LEPR: variants seen among roughly 807,000 people sequenced by gnomAD.
The protein encoded by LEPR is leptin receptor.
Under a neutral mutation model 114.7 loss-of-function variants are expected in LEPR, and 56 were observed. That is an observed-to-expected ratio of 0.49 (90% confidence interval 0.39 to 0.61). LEPR has a LOEUF of 0.61. Among genes scored for constraint, LEPR ranks in the 20% least tolerant of loss-of-function variants. The pLI is 0.00. For missense variants in LEPR, 1,202 were observed against 1,352.9 expected (o/e 0.89, Z 1.75); for synonymous variants, 443 against 461.4 (o/e 0.96, Z 0.51).
At chr1:65,461,673 A>G (rs1646947671) in intron 2 of LEPR, among the ~76,000 whole-genome samples, 1 of 152,258 alleles carries the variant, frequency 6.6e-6, no homozygotes, top group Non-Finnish European at 1.5e-5. Context: ...AAGGAGGTAG[A>G]GCATAATTCC....
intron 2 of LEPR, among the ~76,000 whole-genome samples, chr1:65,456,305 C>A (rs182893630): frequency 3.9e-5 from 6 of 151,918 alleles, no homozygotes; most frequent in Admixed American, 2.6e-4. Context: ...CTTGGCTCCT[C>A]CCCCCATAGA....
chr1:65,580,642 C>T (rs940226956), intron 5 of LEPR, among the ~76,000 whole-genome samples: 5 of 152,098 alleles, frequency 3.3e-5, no homozygotes, highest in Non-Finnish European at 7.4e-5. Flanking sequence ...GTTCCAGGCA[C>T]GGAGCTGAGC....
At chr1:65,603,919 A>C (rs377124358) in intron 10 of LEPR, among the ~76,000 whole-genome samples, 147 of 152,190 alleles carry the variant, frequency 9.7e-4, no homozygotes, top group African/African-American at 3.5e-3. Context: ...ATTCACATAC[A>C]TATCTGAAAT....
intron 2 of LEPR, among the ~76,000 whole-genome samples, chr1:65,458,945 T>C (rs1376707633): frequency 6.6e-6 from 1 of 152,226 alleles, no homozygotes; most frequent in Non-Finnish European, 1.5e-5. Flanking sequence ...CAACAATTCT[T>C]ATCTCAGCCA....
intron 8 of LEPR, among the ~76,000 whole-genome samples, chr1:65,600,801 C>G (rs1656394577): frequency 6.6e-6 from 1 of 151,982 alleles, no homozygotes; most frequent in Non-Finnish European, 1.5e-5. Flanking sequence ...TTAAATAACT[C>G]AAAATGATAG....
intron 15 of LEPR, among the ~76,000 whole-genome samples, 176 bp downstream of exon 15, chr1:65,616,400 C>T (rs963374286): frequency 1.3e-5 from 2 of 152,120 alleles, no homozygotes; most frequent in African/African-American, 2.4e-5. Flanking sequence ...ACAATGATCA[C>T]ATAATACAGT....
At chr1:65,570,447 TA>T (rs1654074337) in intron 3 of LEPR, 25 bp from the exon 4 acceptor site, 1 of 1,605,288 alleles carries the variant, frequency 6.2e-7, no homozygotes, top group East Asian at 2.2e-5. Flanking sequence ...TACTTTTTTC[TA>T]TGTGTCTTTT....
At chr1:65,433,188 C>G in intron 2 of LEPR, 1 of 985,450 alleles carries the variant, frequency 1.0e-6, no homozygotes, top group African/African-American at 1.7e-5. Flanking sequence ...TACTCCTCAA[C>G]AGTTCTGGTT....
At position 65,570,802 on chromosome 1, in the gene LEPR, G is replaced by A; in HGVS notation, c.370G>A (p.Asp124Asn). The A allele has an allele frequency of 6.5e-7, 1 of 1,549,394 alleles. No individual in the cohort carries two copies. ...TVNSLVFQQI[D>N]ANWNIQCWLK... The stretch of plus-strand genomic sequence containing the variant: ...AAATTCTTTAGTTTTTCAACAAATA[G>A]GTAAGCATTAGCTATGTTTTAAATG... The change falls in exon 4 of 20, where the codon GAT becomes AAT. Residue 124 changes from aspartate (D) to asparagine (N), a missense_variant and splice_region_variant. Asp to Asn is a conservative substitution (Grantham distance 23). Transcript: ENST00000349533.
intron 3 of LEPR, among the ~76,000 whole-genome samples, chr1:65,566,492 G>A (rs1043740840): frequency 2.6e-5 from 4 of 152,128 alleles, no homozygotes; most frequent in Non-Finnish European, 4.4e-5. Flanking sequence ...GAGCCACCGT[G>A]CCCAGCCGAT....
At chr1:65,632,055 C>T (rs1055998038) in intron 19 of LEPR, among the ~76,000 whole-genome samples, 10 of 152,108 alleles carry the variant, frequency 6.6e-5, no homozygotes, top group African/African-American at 1.7e-4. Flanking sequence ...CTTCCTTTAG[C>T]GGGGCTAAAG....
intron 3 of LEPR, among the ~76,000 whole-genome samples, chr1:65,566,839 T>G (rs1653797432): frequency 6.6e-6 from 1 of 152,244 alleles, no homozygotes; most frequent in South Asian, 2.1e-4. Context: ...TGCAGCCATC[T>G]GTATATTTCC....
chr1:65,554,269 C>G (rs1652649673), intron 2 of LEPR, among the ~76,000 whole-genome samples: 1 of 152,166 alleles, frequency 6.6e-6, no homozygotes, highest in Non-Finnish European at 1.5e-5. Context: ...TCAGAGCCAT[C>G]AGGCAGGAAT....
intron 2 of LEPR, among the ~76,000 whole-genome samples, chr1:65,443,926 A>G (rs1253887392): frequency 6.6e-6 from 1 of 152,056 alleles, no homozygotes; most frequent in Non-Finnish European, 1.5e-5. Flanking sequence ...GAACTCAATA[A>G]GAAAAGGAGA....
intron 6 of LEPR, among the ~76,000 whole-genome samples, chr1:65,595,244 G>C (rs1322311812): frequency 1.3e-5 from 2 of 152,150 alleles, no homozygotes; most frequent in African/African-American, 2.4e-5. Flanking sequence ...GGCTTTTATG[G>C]AATACTGTGG....
intron 5 of LEPR, 118 bp downstream of exon 5, chr1:65,572,567 T>C: frequency 3.8e-6 from 4 of 1,054,416 alleles, no homozygotes; most frequent in Non-Finnish European, 5.4e-6. Flanking sequence ...ATATGTTTTA[T>C]TTTTTAATAT....
chr1:65,428,137 C>CAT (rs1190955057), intron 2 of LEPR: 1 of 152,192 alleles, frequency 6.6e-6, no homozygotes, highest in Non-Finnish European at 1.5e-5. Context: ...CTCTTTGGCC[C>CAT]TTTATAGAAA....
chr1:65,601,430 G>C lies in LEPR; in HGVS notation c.1033G>C (p.Gly345Arg). The C allele has an allele frequency of 1.2e-6, 2 of 1,613,336 alleles. No individual in the cohort carries two copies. The highest frequency in any genetic ancestry group is 1.7e-6 in the Non-Finnish European group (2 of 1,179,610). ...YFPPKILTSV[G>R]SNVSFHCIYK... Reference sequence around the variant, plus strand: ...TCCACCTAAAATTCTGACAAGTGTTGGGTCTAATGTTTCTTTTCACTGCAT... The same window carrying C: ...TCCACCTAAAATTCTGACAAGTGTTCGGTCTAATGTTTCTTTTCACTGCAT... The change falls in exon 9 of 20, where the codon GGG becomes CGG. Residue 345 changes from glycine (G) to arginine (R), a missense_variant. Transcript: ENST00000349533.
At chr1:65,483,459 A>G (rs967236665) in intron 2 of LEPR, among the ~76,000 whole-genome samples, 4 of 152,192 alleles carry the variant, frequency 2.6e-5, no homozygotes, top group African/African-American at 9.6e-5. Context: ...ATTAACCTAA[A>G]GGAATAAGGC....
Sources: gnomAD v4.1 joint callset for allele counts (sites outside exome capture counted in the v4.1 genomes callset) on GRCh38, gnomAD v4.1.1 for gene constraint, MANE v1.5 for transcripts, NCBI Gene and HGNC (gene_info 2026-07-23, HGNC 2026-07-21) for gene names.